SCN9A: variants seen among roughly 807,000 people sequenced by gnomAD.
The protein encoded by SCN9A is sodium channel protein type 9 subunit alpha.
A neutral mutation model predicts 187.0 loss-of-function variants in SCN9A; 131 were observed. The ratio of observed to expected loss-of-function variants is 0.70; its 90% CI spans 0.61 to 0.81. The LOEUF is 0.81. Ranked by LOEUF, SCN9A falls within the 30% of genes least tolerant of loss-of-function variation. The pLI is 0.00. For synonymous variants in SCN9A, 809 were observed against 808.6 expected, an observed-to-expected ratio of 1.00 and a Z score of -0.01; for missense variants, 2,252 against 2,396.6, an observed-to-expected ratio of 0.94 and a Z score of 1.26.
chr2:166,267,723 A>C (rs1696802956), intron 17 of SCN9A, among the ~76,000 whole-genome samples: 1 of 151,844 alleles, frequency 6.6e-6, no homozygotes, highest in African/African-American at 2.4e-5. Flanking sequence ...TTTATTACTG[A>C]TTCAATCTTG....
chr2:166,280,532 A>T lies in SCN9A; in HGVS notation c.2168T>A (p.Ile723Asn), dbSNP rs1697433577. Residue 723 changes from isoleucine (I) to asparagine (N), a missense_variant, in exon 14 of 27, where the codon ATC (isoleucine) becomes AAC (asparagine). Ile to Asn is a moderately radical substitution (Grantham distance 149). Coordinates refer to ENST00000642356, the MANE Select transcript of SCN9A (RefSeq NM_001365536.1). ...TATCCAATATGGAGAGCAATTCCAG[A>T]TCAAGAATTTGTGTGCAAATCTGTA... Reference protein sequence around the residue: ...WWYRFAHKFLIWNCSPYWIKF... With the variant: ...WWYRFAHKFLNWNCSPYWIKF... 1 of 1,592,542 alleles carries T rather than the reference A, an allele frequency of 6.3e-7. No individual in the cohort carries two copies. The highest frequency in any genetic ancestry group is 1.3e-5 in the African/African-American group (1 of 74,682).
At chr2:166,289,143 G>T (rs1309209917) in intron 9 of SCN9A, among the ~76,000 whole-genome samples, 1 of 147,458 alleles carries the variant, frequency 6.8e-6, no homozygotes, top group African/African-American at 2.6e-5. Flanking sequence ...TTTTAAAATA[G>T]AATTTTTTTT....
At chr2:166,276,669 A>G (rs1697250049) in intron 16 of SCN9A, 1 of 166,084 alleles carries the variant, frequency 6.0e-6, no homozygotes, top group Non-Finnish European at 1.3e-5. Flanking sequence ...TAACTTAATT[A>G]TATTTTATTT....
At chr2:166,372,178 T>C (rs879675106) in intron 1 of SCN9A, among the ~76,000 whole-genome samples, 4 of 152,092 alleles carry the variant, frequency 2.6e-5, no homozygotes, top group Admixed American at 1.3e-4. Context: ...TTGCAGTCCT[T>C]ACTTCCACTC....
intron 1 of SCN9A, among the ~76,000 whole-genome samples, chr2:166,320,572 C>A (rs1699212879): frequency 6.6e-6 from 1 of 152,150 alleles, no homozygotes; most frequent in Non-Finnish European, 1.5e-5. Flanking sequence ...TAGATGAATA[C>A]TGAACACTTC....
intron 17 of SCN9A, among the ~76,000 whole-genome samples, chr2:166,258,672 A>G (rs962402296): frequency 5.9e-5 from 9 of 151,802 alleles, no homozygotes; most frequent in Admixed American, 1.3e-4. Flanking sequence ...AGAAAGCATG[A>G]GTCTCAATTT....
At chr2:166,315,339 A>G (rs1699082857) in intron 1 of SCN9A, among the ~76,000 whole-genome samples, 1 of 152,194 alleles carries the variant, frequency 6.6e-6, no homozygotes, top group African/African-American at 2.4e-5. Flanking sequence ...GTCCATTACC[A>G]GTTTGATTCT....
At chr2:166,344,737 G>A (rs142559100) in intron 1 of SCN9A, among the ~76,000 whole-genome samples, 1 of 152,176 alleles carries the variant, frequency 6.6e-6, no homozygotes, top group East Asian at 1.9e-4. Flanking sequence ...ACAATCCTTT[G>A]TGCAAACAGG....
rs34494272 is a variant in SCN9A at position 166,214,503 on chromosome 2, CTTTTTT to C, written c.4399-10045_4399-10040del. Among the ~76,000 whole-genome samples the C allele has an allele frequency of 4.7e-4, 30 of 64,266 alleles. 1 individual carries two copies. The highest frequency in any genetic ancestry group is 1.8e-3 in the African/African-American group (28 of 15,718). 42.2% of individuals were successfully genotyped at this position (64,266 alleles called of 152,430 possible). On this transcript the variant is annotated intron_variant, in intron 24 of 26. Transcript: ENST00000642356. The stretch of plus-strand genomic sequence containing the variant: ...AGACAATCCCAACTCTACAATCTTT[CTTTTTT>C]TTTTTTTTTTTTTTTGAGATGGAGT...
intron 1 of SCN9A, among the ~76,000 whole-genome samples, chr2:166,337,955 C>T (rs1452181835): frequency 6.6e-6 from 1 of 151,960 alleles, no homozygotes; most frequent in East Asian, 1.9e-4. Context: ...AATAAACTGA[C>T]ACATAAATGC....
chr2:166,204,535 A>G, intron 24 of SCN9A, 71 bp from the exon 25 acceptor site: 1 of 858,836 alleles, frequency 1.2e-6, no homozygotes, highest in Non-Finnish European at 1.8e-6. Flanking sequence ...ATAGATTACT[A>G]AAATAGGTTA....
chr2:166,199,803 G>T lies in SCN9A; in HGVS notation c.4836C>A (p.Ile1612=), dbSNP rs777688318. 2.8e-5 allele frequency: 45 copies of T among 1,613,736 alleles called. No homozygotes were observed. The highest frequency in any genetic ancestry group is 4.4e-5 in the South Asian group (4 of 91,070). ...GGATTCGGCCAATCCTGGCAAGACG[G>T]ATCACTCGGAACAGGGTAGGGGACA... The part of the protein sequence containing the change: ...YFVSPTLFRV[I]RLARIGRILR... Residue 1612 remains isoleucine, a synonymous_variant, in exon 27 of 27, where the codon ATC becomes ATA. Coordinates refer to ENST00000642356, the MANE Select transcript of SCN9A (RefSeq NM_001365536.1).
At chr2:166,249,895 T>C (rs1235311070) in intron 18 of SCN9A, among the ~76,000 whole-genome samples, 3 of 152,116 alleles carry the variant, frequency 2.0e-5, no homozygotes, top group African/African-American at 7.2e-5. Context: ...GGGAAAATCT[T>C]GGTAGCATCA....
rs528384222 is a variant in SCN9A, at chr2:166,238,066, CTTTTA to C, written c.3801+23_3801+27del. 4.2e-5 allele frequency: 65 copies of C among 1,557,480 alleles called. No individual in the cohort carries two copies. In the East Asian group the frequency reaches 1.3e-3, roughly 32 times the overall value. The stretch of plus-strand genomic sequence containing the variant: ...ACAACACACAGTAAGAATAAATCCT[CTTTTA>C]AAATGTACTCAAAAGTACCTACATC... On this transcript the variant is annotated intron_variant, in intron 20 of 26. Coordinates refer to ENST00000642356, the MANE Select transcript of SCN9A (RefSeq NM_001365536.1).
intron 7 of SCN9A, among the ~76,000 whole-genome samples, chr2:166,296,539 C>A (rs1016846480): frequency 6.6e-6 from 1 of 152,068 alleles, no homozygotes; most frequent in Non-Finnish European, 1.5e-5. Context: ...CATAAACATC[C>A]AAAATATTTT....
At chr2:166,347,553 G>A (rs75200610) in intron 1 of SCN9A, among the ~76,000 whole-genome samples, 2,374 of 152,232 alleles carry the variant, frequency 0.016, 59 homozygotes, top group African/African-American at 0.054. Context: ...ACCCCTGGTT[G>A]GGGAGGAAAG....
At chr2:166,284,893 CCACTGAACCCA>C in intron 11 of SCN9A, 69 bp from the exon 12 acceptor site, 1 of 1,448,554 alleles carries the variant, frequency 6.9e-7, no homozygotes, top group Non-Finnish European at 9.1e-7. Context: ...CATATAAATA[CCACTGAACCCA>C]CTGGCCTGAG....
intron 17 of SCN9A, among the ~76,000 whole-genome samples, chr2:166,263,980 A>C (rs998753073): frequency 2.0e-5 from 3 of 151,994 alleles, no homozygotes; most frequent in Non-Finnish European, 2.9e-5. Context: ...CAAAAGAATA[A>C]ATTTCTGTTG....
intron 1 of SCN9A, among the ~76,000 whole-genome samples, chr2:166,315,523 T>A (rs185538321): frequency 3.3e-4 from 51 of 152,346 alleles, no homozygotes; most frequent in Admixed American, 3.2e-3. Context: ...AGGAAGACAC[T>A]AAGCACCTGC....
Sources: gnomAD v4.1 joint callset for allele counts (sites outside exome capture counted in the v4.1 genomes callset) on GRCh38, gnomAD v4.1.1 for gene constraint, MANE v1.5 for transcripts, NCBI Gene and HGNC (gene_info 2026-07-23, HGNC 2026-07-21) for gene names.